Variants in GEMIN5 observed in about 807,000 individuals in gnomAD.
GEMIN5 encodes gem nuclear organelle associated protein 5.
A neutral mutation model predicts 176.9 loss-of-function variants in GEMIN5; 124 were observed. The observed-to-expected ratio is 0.70, with a 90% CI of 0.61 to 0.81. The LOEUF (loss-of-function observed/expected upper bound fraction) is 0.81. GEMIN5 is among the 40% of genes least tolerant of loss of function. GEMIN5 has a pLI of 0.00. For synonymous variants in GEMIN5, 673 were observed against 665.2 expected, an observed-to-expected ratio of 1.01 and a Z score of -0.18; for missense variants, 1,843 against 1,814.6, an observed-to-expected ratio of 1.02 and a Z score of -0.28.
chr5:154,898,369 C>G, intron 23 of GEMIN5, 71 bp downstream of exon 23: 1 of 1,382,396 alleles, frequency 7.2e-7, no homozygotes, highest in Middle Eastern at 2.4e-4. Flanking sequence ...GGGTTATTAA[C>G]TTGGATTTGA....
At position 154,899,315 on chromosome 5, in the gene GEMIN5, A is replaced by G; in HGVS notation, c.3015-5T>C. ...TTGGCAATCGCAATAGCTTCCCTAA[A>G]GGCAAGAACAGACCCTTTAGCCAAT... On this transcript the variant is annotated splice_polypyrimidine_tract_variant and splice_region_variant and intron_variant, in intron 21 of 27. Transcript: ENST00000285873. 1.2e-6 allele frequency: 2 copies of G among 1,609,110 alleles called. No homozygotes were observed.
At chr5:154,922,279 T>G (rs1332434508) in intron 9 of GEMIN5, among the ~76,000 whole-genome samples, 3 of 151,932 alleles carry the variant, frequency 2.0e-5, no homozygotes, top group Non-Finnish European at 4.4e-5. Context: ...ACCATTCTCC[T>G]GCCTCAGCCT....
chr5:154,930,431 C>T (rs1185751778), intron 5 of GEMIN5, among the ~76,000 whole-genome samples: 2 of 152,072 alleles, frequency 1.3e-5, no homozygotes, highest in African/African-American at 4.8e-5. Flanking sequence ...TTTTGCCACA[C>T]CGAAATTTTA....
intron 3 of GEMIN5, among the ~76,000 whole-genome samples, chr5:154,934,164 C>T (rs151076397): frequency 5.9e-5 from 9 of 152,176 alleles, no homozygotes; most frequent in South Asian, 4.2e-4. Flanking sequence ...TACAGGTGTG[C>T]GCCACCAAGT....
intron 24 of GEMIN5, among the ~76,000 whole-genome samples, chr5:154,893,524 A>G (rs1298646921): frequency 6.6e-6 from 1 of 152,220 alleles, no homozygotes; most frequent in African/African-American, 2.4e-5. Context: ...AAACATATAT[A>G]GTTACAACAC....
intron 16 of GEMIN5, 30 bp from the exon 17 acceptor site, chr5:154,905,506 A>C (rs1763550723): frequency 1.9e-6 from 2 of 1,074,644 alleles, no homozygotes; most frequent in Non-Finnish European, 2.8e-6. Context: ...GGAAAAAAAA[A>C]GTTAAGGATA....
intron 11 of GEMIN5, 94 bp from the exon 12 acceptor site, chr5:154,918,098 G>A (rs1012865840): frequency 2.0e-4 from 150 of 744,704 alleles, no homozygotes; most frequent in Non-Finnish European, 3.1e-4. Flanking sequence ...GTTTAAAAAC[G>A]TTTTAATTAT....
rs367742193 is a variant in GEMIN5, at chr5:154,925,378, AAATTT to A, written c.1293+479_1293+483del. Among the ~76,000 whole-genome samples, 362 of 152,290 alleles carry A rather than the reference AAATTT, an allele frequency of 2.4e-3. 2 individuals carry two copies. Among genetic ancestry groups the A allele is most frequent in the African/African-American group, 8.1e-3 (337 of 41,546 alleles). On this transcript the variant is annotated intron_variant, in intron 8 of 27. Coordinates refer to ENST00000285873, the MANE Select transcript of GEMIN5 (RefSeq NM_015465.5). ...GTTTGATTTTCTTTTTAAACCATAA[AAATTT>A]ATTACCTTTAGATTCAATAGCCAAA...
intron 3 of GEMIN5, among the ~76,000 whole-genome samples, chr5:154,935,468 C>T (rs58812410): frequency 4.5e-4 from 69 of 152,312 alleles, no homozygotes; most frequent in Admixed American, 5.9e-4. Flanking sequence ...ATCACTTTCC[C>T]AATCTAAAGG....
chr5:154,895,466 A>G (rs999258267), intron 24 of GEMIN5, among the ~76,000 whole-genome samples: 12 of 152,262 alleles, frequency 7.9e-5, no homozygotes, highest in African/African-American at 2.9e-4. Context: ...GCAAACAGCA[A>G]AACAATACAT....
intron 7 of GEMIN5, among the ~76,000 whole-genome samples, chr5:154,926,757 A>T (rs1171415108): frequency 1.3e-5 from 2 of 152,190 alleles, no homozygotes; most frequent in African/African-American, 4.8e-5. Context: ...AAAGTACACT[A>T]ACACTAGGCC....
In GEMIN5 at chr5:154,937,987, T is replaced by C. The variant is rs766727113; in HGVS notation, c.147A>G (p.Pro49=). The part of the protein sequence containing the change: ...VRVGPGAGES[P]GTPPFRVIGE... ...AGTTACCTCGAAACGGGGGTGTCCC[T>C]GGACTCTCGCCTGCGCCCGGGCCCA... The change falls in exon 1 of 28, where the codon CCA becomes CCG. Residue 49 remains proline, a synonymous_variant. Transcript: ENST00000285873. The C allele has an allele frequency of 1.5e-5, 24 of 1,574,502 alleles. No individual in the cohort carries two copies. In the East Asian group the frequency reaches 3.8e-4, roughly 25 times the overall value.
At chr5:154,890,651 T>C (rs1433197359) in intron 26 of GEMIN5, among the ~76,000 whole-genome samples, 1 of 152,154 alleles carries the variant, frequency 6.6e-6, no homozygotes, top group African/African-American at 2.4e-5. Flanking sequence ...TTAATTTTTC[T>C]AGAGACAGGG....
At chr5:154,892,851 C>T (rs915669661) in intron 24 of GEMIN5, among the ~76,000 whole-genome samples, 10 of 152,182 alleles carry the variant, frequency 6.6e-5, no homozygotes, top group Admixed American at 5.9e-4. Flanking sequence ...GTAATCCCAG[C>T]ACTTTGGGAG....
At chr5:154,894,489 G>A (rs1763306576) in intron 24 of GEMIN5, among the ~76,000 whole-genome samples, 1 of 152,136 alleles carries the variant, frequency 6.6e-6, no homozygotes, top group Non-Finnish European at 1.5e-5. Flanking sequence ...GAAACTGCCT[G>A]GCCAGGCGTG....
rs1763300532 is a variant in GEMIN5 at position 154,894,272 on chromosome 5, T to C, written c.3598-1723A>G. 2.0e-5 allele frequency among the ~76,000 whole-genome samples: 3 copies of C among 152,130 alleles called. No individual in the cohort carries two copies. The South Asian group carries it at 6.2e-4, about 32-fold the overall frequency. On this transcript the variant is annotated intron_variant, in intron 24 of 27. Coordinates refer to ENST00000285873, the MANE Select transcript of GEMIN5 (RefSeq NM_015465.5). ...TTTTATTGTTAAACAGTATAGTATT[T>C]CACTGCATAGACACAACACAGTTTG... is the stretch of plus-strand genomic sequence containing the variant.
intron 24 of GEMIN5, among the ~76,000 whole-genome samples, chr5:154,892,954 A>G (rs767003420): frequency 2.6e-5 from 4 of 152,032 alleles, no homozygotes; most frequent in Admixed American, 2.6e-4. Context: ...AAAATTAGCC[A>G]GGCATGATGG....
intron 8 of GEMIN5, among the ~76,000 whole-genome samples, chr5:154,925,253 A>G (rs531670704): frequency 6.6e-6 from 1 of 152,214 alleles, no homozygotes; most frequent in African/African-American, 2.4e-5. Context: ...GAAAAGATAG[A>G]TCATAAACTG....
rs755808060 is a variant in GEMIN5 at position 154,931,584 on chromosome 5, G to A, written c.662-7C>T. The A allele has an allele frequency of 1.5e-5, 24 of 1,579,020 alleles. No individual in the cohort carries two copies. The highest frequency in any genetic ancestry group is 1.9e-5 in the Non-Finnish European group (22 of 1,158,372). Reference sequence around the variant, plus strand: ...TTGGTAATTTCAGCTTCTTCTATGAGATAGGTGGCAATTTTGTTTTTAATT... The same window carrying A: ...TTGGTAATTTCAGCTTCTTCTATGAAATAGGTGGCAATTTTGTTTTTAATT... On this transcript the variant is annotated splice_polypyrimidine_tract_variant and splice_region_variant and intron_variant, in intron 4 of 27. Transcript: ENST00000285873.
Sources: allele counts gnomAD v4.1 joint callset (sites outside exome capture counted in the v4.1 genomes callset), GRCh38; gene constraint gnomAD v4.1.1; transcripts MANE v1.5; gene names NCBI Gene and HGNC (gene_info 2026-07-23, HGNC 2026-07-21).